Variants in ZDHHC20 observed in about 807,000 individuals in gnomAD.
The protein encoded by ZDHHC20 is palmitoyltransferase ZDHHC20.
ZDHHC20 carries 43 observed loss-of-function variants against 57.8 expected under a neutral mutation model. The observed-to-expected ratio is 0.74, with a 90% CI of 0.58 to 0.96. The LOEUF is 0.96. Among genes scored for constraint, ZDHHC20 ranks in the 40% least tolerant of loss-of-function variants. The pLI is 0.00. For missense variants in ZDHHC20, 391 were observed against 441.1 expected, an observed-to-expected ratio of 0.89 and a Z score of 1.02; for synonymous variants, 157 against 153.0, an observed-to-expected ratio of 1.03 and a Z score of -0.19.
At chr13:21,455,871 A>T (rs75771925) in intron 1 of ZDHHC20, among the ~76,000 whole-genome samples, 1 of 152,168 alleles carries the variant, frequency 6.6e-6, no homozygotes. Context: ...ATCTGCCCTG[A>T]GTGTCCAGAT....
At chr13:21,407,963 G>A (rs796585642) in intron 4 of ZDHHC20, among the ~76,000 whole-genome samples, 1 of 152,092 alleles carries the variant, frequency 6.6e-6, no homozygotes, top group African/African-American at 2.4e-5. Context: ...CCTCTGTTTT[G>A]TTCCATTGGT....
chr13:21,411,897 T>G (rs1055452212), intron 4 of ZDHHC20, among the ~76,000 whole-genome samples: 1 of 152,172 alleles, frequency 6.6e-6, no homozygotes, highest in Admixed American at 6.5e-5. Context: ...GATATTAGGT[T>G]TTAAATGATG....
In ZDHHC20 at chr13:21,373,251, T is replaced by C. The variant is rs975858549; in HGVS notation, c.*3445A>G. 6.6e-6 allele frequency: 1 copy of C among 152,236 alleles called. No homozygotes were observed. Among genetic ancestry groups the C allele is most frequent in the South Asian group, 2.1e-4 (1 of 4,836 alleles). The allele number at this position is 152,236 out of a possible 1,614,324, so 9.4% of individuals were successfully genotyped here. A position where few individuals can be genotyped will look rare whatever the true frequency, so the allele number is the denominator to read the frequency against. On this transcript the variant is annotated 3_prime_UTR_variant, in exon 13 of 13. Coordinates refer to ENST00000400590, the MANE Select transcript of ZDHHC20 (RefSeq NM_001330059.2). Reference sequence around the variant, plus strand: ...CTGCCTATTCAATGCCCAGAATATGTAGATCCTAAATCTAAGCCCTTAATA... The same window carrying C: ...CTGCCTATTCAATGCCCAGAATATGCAGATCCTAAATCTAAGCCCTTAATA...
chr13:21,382,910 A>G lies in ZDHHC20; in HGVS notation c.944+10T>C. The stretch of plus-strand genomic sequence containing the variant: ...ATGAATATAGAAAAGCATAAGGACA[A>G]TAAGCATACCTTCTGGCATACTCAT... On this transcript the variant is annotated intron_variant, in intron 10 of 12. Coordinates refer to ENST00000400590, the MANE Select transcript of ZDHHC20 (RefSeq NM_001330059.2). The G allele has an allele frequency of 1.3e-6, 2 of 1,553,292 alleles. No individual in the cohort carries two copies. The highest frequency in any genetic ancestry group is 1.2e-5 in the South Asian group (1 of 84,114).
chr13:21,425,667 C>CA lies in ZDHHC20; in HGVS notation c.129dup (p.Gly44TrpfsTer3). 8.5e-7 allele frequency: 1 copy of CA among 1,174,740 alleles called. No homozygotes were observed. The highest frequency in any genetic ancestry group is 1.1e-6 in the Non-Finnish European group (1 of 871,944). 72.8% of individuals were successfully genotyped at this position (1,174,740 alleles called of 1,614,324 possible). On this transcript the variant is annotated frameshift_variant, in exon 2 of 13. Coordinates refer to ENST00000400590, the MANE Select transcript of ZDHHC20 (RefSeq NM_001330059.2). LOFTEE classifies it high-confidence loss of function. The stretch of plus-strand genomic sequence containing the variant: ...AGTGCCTTACCATTTTCTTCATTTC[C>CA]AAAAATAGTAACTAGAATAGAAGAA...
chr13:21,446,442 TTTG>T (rs1883708072), intron 1 of ZDHHC20, among the ~76,000 whole-genome samples: 1 of 152,224 alleles, frequency 6.6e-6, no homozygotes, highest in African/African-American at 2.4e-5. Flanking sequence ...TAAGTTTGTG[TTTG>T]TTTTTATATG....
chr13:21,404,485 A>C (rs1230681448), intron 4 of ZDHHC20: 1 of 409,752 alleles, frequency 2.4e-6, no homozygotes, highest in East Asian at 7.1e-5. Flanking sequence ...ACAGTGGCTC[A>C]CACCTGTAAT....
intron 1 of ZDHHC20, among the ~76,000 whole-genome samples, chr13:21,430,689 A>G (rs907696489): frequency 2.6e-5 from 4 of 152,164 alleles, no homozygotes; most frequent in African/African-American, 9.6e-5. Flanking sequence ...TTGACTAATA[A>G]AACTGGTCTT....
At chr13:21,429,787 T>C (rs1264767519) in intron 1 of ZDHHC20, among the ~76,000 whole-genome samples, 1 of 152,236 alleles carries the variant, frequency 6.6e-6, no homozygotes, top group Non-Finnish European at 1.5e-5. Context: ...TTTTTATTTT[T>C]CAGTATATTT....
chr13:21,402,316 TA>T (rs951967056), intron 5 of ZDHHC20, among the ~76,000 whole-genome samples: 7 of 151,768 alleles, frequency 4.6e-5, no homozygotes, highest in Admixed American at 1.3e-4. Flanking sequence ...ATTTTTGTAA[TA>T]AAAAAAACCC....
chr13:21,393,884 A>T (rs1876293470), intron 7 of ZDHHC20, among the ~76,000 whole-genome samples: 1 of 152,138 alleles, frequency 6.6e-6, no homozygotes, highest in South Asian at 2.1e-4. Flanking sequence ...GAAGAATAAA[A>T]TAAAATGTTT....
intron 2 of ZDHHC20, 92 bp from the exon 3 acceptor site, chr13:21,421,256 G>A (rs1457505283): frequency 1.2e-5 from 11 of 883,854 alleles, no homozygotes; most frequent in Middle Eastern, 2.6e-4. Context: ...TCAGGAGGCC[G>A]AATCCAATAA....
At chr13:21,449,931 T>G (rs9506682) in intron 1 of ZDHHC20, among the ~76,000 whole-genome samples, 89,727 of 151,878 alleles carry the variant, frequency 0.59, 27,367 homozygotes, top group Non-Finnish European at 0.68. Context: ...TGCACCCAGA[T>G]GGTGCAAATT....
chr13:21,379,685 A>C (rs1447712451), intron 11 of ZDHHC20, among the ~76,000 whole-genome samples: 1 of 152,218 alleles, frequency 6.6e-6, no homozygotes, highest in African/African-American at 2.4e-5. Context: ...TAGCCAGACA[A>C]TATTTTAAAC....
chr13:21,425,971 C>T (rs1881198629), intron 1 of ZDHHC20, among the ~76,000 whole-genome samples: 1 of 152,248 alleles, frequency 6.6e-6, no homozygotes, highest in Non-Finnish European at 1.5e-5. Flanking sequence ...TAGCTCTTTC[C>T]TTAATGATAT....
chr13:21,422,127 G>C (rs1426736250), intron 2 of ZDHHC20, among the ~76,000 whole-genome samples: 1 of 151,832 alleles, frequency 6.6e-6, no homozygotes, highest in African/African-American at 2.4e-5. Context: ...AATAAATACT[G>C]ATTATTAATA....
chr13:21,393,061 T>C (rs1224434450), intron 7 of ZDHHC20, among the ~76,000 whole-genome samples: 5 of 152,346 alleles, frequency 3.3e-5, no homozygotes, highest in Non-Finnish European at 7.3e-5. Context: ...ACACTAGTTT[T>C]ATAAATCCTG....
chr13:21,378,279 C>G (rs950086271), intron 12 of ZDHHC20, among the ~76,000 whole-genome samples: 3 of 152,098 alleles, frequency 2.0e-5, no homozygotes, highest in Admixed American at 2.0e-4. Context: ...AGGCTGGTCT[C>G]TCACTCCTGG....
intron 1 of ZDHHC20, among the ~76,000 whole-genome samples, chr13:21,445,925 C>T (rs1241654136): frequency 2.0e-5 from 3 of 152,100 alleles, no homozygotes; most frequent in Admixed American, 6.6e-5. Flanking sequence ...GCGATCTAGA[C>T]GAAGTGAGAG....
Sources: gnomAD v4.1 joint callset for allele counts (sites outside exome capture counted in the v4.1 genomes callset) on GRCh38, gnomAD v4.1.1 for gene constraint, MANE v1.5 for transcripts, NCBI Gene and HGNC (gene_info 2026-07-23, HGNC 2026-07-21) for gene names.